AGBL1: variants seen among roughly 807,000 people sequenced by gnomAD.
The protein encoded by AGBL1 is AGBL carboxypeptidase 1, also known as cytosolic carboxypeptidase 4.
A neutral mutation model predicts 118.9 loss-of-function variants in AGBL1; 130 were observed. That is an observed-to-expected ratio of 1.09 (90% CI 0.95 to 1.26). AGBL1 has a LOEUF of 1.26. Among genes scored for constraint, AGBL1 ranks in the 50% most tolerant of loss-of-function variants. The probability of loss-of-function intolerance (pLI) is 0.00; values close to 1 mark genes in which losing one functional copy is unlikely to be tolerated. For missense variants in AGBL1, 1,584 were observed against 1,298.1 expected (o/e 1.22, Z -3.38); for synonymous variants, 555 against 478.9 (o/e 1.16, Z -2.08).
At chr15:86,723,873 G>A (rs778699156) in intron 22 of AGBL1, among the ~76,000 whole-genome samples, 10 of 152,076 alleles carry the variant, frequency 6.6e-5, no homozygotes, top group African/African-American at 2.2e-4. Context: ...GGGAATTGTT[G>A]GAGTCAAAGT....
At chr15:86,095,039 C>T (rs916459266) in intron 1 of AGBL1, among the ~76,000 whole-genome samples, 5 of 152,198 alleles carry the variant, frequency 3.3e-5, no homozygotes, top group African/African-American at 4.8e-5. Flanking sequence ...TCCCAGAACT[C>T]AGGAAAGCAC....
chr15:86,303,710 T>C (rs1329365179), intron 17 of AGBL1, among the ~76,000 whole-genome samples: 1 of 152,162 alleles, frequency 6.6e-6, no homozygotes, highest in African/African-American at 2.4e-5. Flanking sequence ...TTCTATACAG[T>C]TATTACAGCA....
At chr15:86,932,518 G>C (rs183550670) in intron 23 of AGBL1, among the ~76,000 whole-genome samples, 22 of 152,326 alleles carry the variant, frequency 1.4e-4, no homozygotes, top group African/African-American at 4.6e-4. Flanking sequence ...ATAGCTTTGC[G>C]TGGGTGTTGA....
intron 1 of AGBL1, among the ~76,000 whole-genome samples, chr15:86,141,747 CATT>C: frequency 6.6e-6 from 1 of 152,320 alleles, no homozygotes; most frequent in East Asian, 1.9e-4. Flanking sequence ...CTGTGTAAAT[CATT>C]ATTGCTTATT....
chr15:86,951,888 T>C (rs2141671697), intron 23 of AGBL1, among the ~76,000 whole-genome samples: 1 of 152,298 alleles, frequency 6.6e-6, no homozygotes, highest in African/African-American at 2.4e-5. Context: ...ATGAAATGAC[T>C]GTATATATGG....
At chr15:86,789,093 G>T (rs1224375791) in intron 22 of AGBL1, among the ~76,000 whole-genome samples, 1 of 152,168 alleles carries the variant, frequency 6.6e-6, no homozygotes, top group Non-Finnish European at 1.5e-5. Flanking sequence ...CAAAGCTTTT[G>T]CATCTAAATC....
At chr15:86,480,873 C>T (rs751537356) in intron 18 of AGBL1, among the ~76,000 whole-genome samples, 3 of 151,990 alleles carry the variant, frequency 2.0e-5, no homozygotes, top group Non-Finnish European at 4.4e-5. Context: ...GGTGAGCATT[C>T]TAGTCTGGTT....
intron 20 of AGBL1, among the ~76,000 whole-genome samples, chr15:86,547,347 G>A (rs1026976133): frequency 1.3e-5 from 2 of 152,030 alleles, no homozygotes; most frequent in Non-Finnish European, 2.9e-5. Context: ...TATAGAGTCA[G>A]CATGTTTTTT....
At chr15:86,566,453 TA>T (rs2083916146) in intron 21 of AGBL1, among the ~76,000 whole-genome samples, 1 of 152,180 alleles carries the variant, frequency 6.6e-6, no homozygotes, top group South Asian at 2.1e-4. Context: ...GAGAGGAATG[TA>T]ATACATTAAG....
chr15:86,736,768 G>A lies in AGBL1; in HGVS notation c.3158+62332G>A, dbSNP rs114825831. Among the ~76,000 whole-genome samples, 776 of 152,228 alleles carry A rather than the reference G, an allele frequency of 5.1e-3. 8 individuals are homozygous for A. The highest frequency in any genetic ancestry group is 0.018 in the African/African-American group (730 of 41,542). On this transcript the variant is annotated intron_variant, in intron 22 of 22. Coordinates refer to ENST00000614907, the MANE Select transcript of AGBL1 (RefSeq NM_001386094.1). ...ATGCTGGAAGTATAAACAGGCCTGC[G>A]ACATTAATACCTGGCTTTTAGACAT...
chr15:86,696,524 C>G (rs754100231), intron 22 of AGBL1, among the ~76,000 whole-genome samples: 2 of 151,142 alleles, frequency 1.3e-5, no homozygotes, highest in South Asian at 2.1e-4. Context: ...GATACTTGGC[C>G]GGTGAATTCT....
At chr15:86,864,579 T>C (rs1381513959) in intron 22 of AGBL1, among the ~76,000 whole-genome samples, 1 of 152,074 alleles carries the variant, frequency 6.6e-6, no homozygotes, top group Non-Finnish European at 1.5e-5. Context: ...GCCTTCATAC[T>C]ACTCTACTAA....
intron 21 of AGBL1, among the ~76,000 whole-genome samples, chr15:86,559,457 GAA>G (rs536049720): frequency 6.6e-6 from 1 of 152,078 alleles, no homozygotes; most frequent in African/African-American, 2.4e-5. Flanking sequence ...TGAGGAAAAT[GAA>G]AAGTTTCAGA....
At chr15:86,596,079 G>T (rs2084401255) in intron 21 of AGBL1, among the ~76,000 whole-genome samples, 1 of 152,050 alleles carries the variant, frequency 6.6e-6, no homozygotes, top group African/African-American at 2.4e-5. Context: ...CAGGAGAATT[G>T]CTTGAGCCTA....
intron 22 of AGBL1, among the ~76,000 whole-genome samples, chr15:86,874,393 C>CACACACACAT (rs2079775206): frequency 1.3e-5 from 2 of 151,926 alleles, no homozygotes; most frequent in Admixed American, 1.3e-4. Context: ...CACACACACA[C>CACACACACAT]ACACACACAC....
chr15:86,988,110 T>C (rs1002112281), intron 24 of AGBL1: 22 of 1,611,698 alleles, frequency 1.4e-5, no homozygotes, highest in South Asian at 3.3e-5. Flanking sequence ...AGTTTCCTGA[T>C]TGTACATTGC....
rs554529229 is a variant in AGBL1, at chr15:86,091,721, G to A, written c.51+11698G>A. 3.3e-5 allele frequency among the ~76,000 whole-genome samples: 5 copies of A among 152,228 alleles called. No homozygotes were observed. The South Asian group carries it at 1.0e-3, about 32-fold the overall frequency. On this transcript the variant is annotated intron_variant, in intron 1 of 22. Coordinates refer to ENST00000614907, the MANE Select transcript of AGBL1 (RefSeq NM_001386094.1). ...TATACACTTCTTGGGTTTTGTCTCAGCGAATGAAGCTCTTAAAGGTCAGAA... is the reference window on the plus strand; with the variant it reads ...TATACACTTCTTGGGTTTTGTCTCAACGAATGAAGCTCTTAAAGGTCAGAA...
chr15:86,410,970 G>A (rs140416143), intron 18 of AGBL1, among the ~76,000 whole-genome samples: 5,341 of 124,640 alleles, frequency 0.043, 188 homozygotes, highest in East Asian at 0.16. Context: ...TCTTGTTAAA[G>A]TTTTGGTTAT....
At chr15:86,837,454 G>T (rs759684900) in intron 22 of AGBL1, among the ~76,000 whole-genome samples, 1 of 152,142 alleles carries the variant, frequency 6.6e-6, no homozygotes, top group Non-Finnish European at 1.5e-5. Context: ...ATTTTAATGG[G>T]AAAACAGCCA....
Sources: allele counts gnomAD v4.1 joint callset (sites outside exome capture counted in the v4.1 genomes callset), GRCh38; gene constraint gnomAD v4.1.1; transcripts MANE v1.5; gene names NCBI Gene and HGNC (gene_info 2026-07-23, HGNC 2026-07-21).